ZNF490: variants seen among roughly 807,000 people sequenced by gnomAD.
The protein encoded by ZNF490 is zinc finger protein 490.
ZNF490 carries 11 observed loss-of-function variants against 17.7 expected under a neutral mutation model. That is an observed-to-expected ratio of 0.62 (90% CI 0.39 to 1.03). The LOEUF (loss-of-function observed/expected upper bound fraction) is 1.03, where lower values mean the gene tolerates loss of function less well. Ranked by LOEUF, ZNF490 falls within the 50% of genes least tolerant of loss-of-function variation. The pLI is 0.00. For missense variants in ZNF490, 542 were observed against 643.4 expected (o/e 0.84, Z 1.71); for synonymous variants, 222 against 216.1 (o/e 1.03, Z -0.24).
At chr19:12,599,553 G>T (rs2022976971) in intron 2 of ZNF490, among the ~76,000 whole-genome samples, 1 of 152,182 alleles carries the variant, frequency 6.6e-6, no homozygotes, top group South Asian at 2.1e-4. Context: ...GACCTTATCT[G>T]CACTTCTGTC....
chr19:12,582,969 C>A, intron 3 of ZNF490, 59 bp from the exon 4 acceptor site: 10 of 1,377,442 alleles, frequency 7.3e-6, no homozygotes, highest in Non-Finnish European at 1.0e-5. Context: ...AAAATTATAA[C>A]ACTCTAAGAT....
Position 12,586,968 on chromosome 19 carries a change from G to A in ZNF490, c.163-3412C>T, listed in dbSNP as rs1288624294. Among the ~76,000 whole-genome samples, 7 of 90,520 alleles carry A rather than the reference G, an allele frequency of 7.7e-5. 3 individuals are homozygous for A. The highest frequency in any genetic ancestry group is 1.8e-4 in the Non-Finnish European group (6 of 34,000). 59.4% of individuals were successfully genotyped at this position (90,520 alleles called of 152,430 possible). ...GCCTGTAATCCCAGCTACTCACGAG[G>A]CAGGAGAATCACTTGAACTTGGGAG... On this transcript the variant is annotated intron_variant, in intron 2 of 4. Transcript: ENST00000311437.
chr19:12,601,809 G>A (rs1372328324), intron 2 of ZNF490, among the ~76,000 whole-genome samples: 3 of 151,568 alleles, frequency 2.0e-5, no homozygotes, highest in Non-Finnish European at 4.4e-5. Flanking sequence ...TGGCTAACAT[G>A]GTGAAACCCT....
chr19:12,581,839 C>G (rs1289862012), intron 4 of ZNF490, 115 bp from the exon 5 acceptor site: 5 of 977,562 alleles, frequency 5.1e-6, no homozygotes, highest in Middle Eastern at 3.3e-4. Context: ...GTTATCTGCC[C>G]TGTCTAAATT....
In ZNF490 at chr19:12,582,890, C is replaced by A; in HGVS notation, c.310G>T (p.Asp104Tyr). Residue 104 changes from aspartate (D) to tyrosine (Y), a missense_variant, in exon 4 of 5, where the codon GAT (aspartate) becomes TAT (tyrosine). Transcript: ENST00000311437. The stretch of plus-strand genomic sequence containing the variant: ...TGGTTTTTGTGTTCATCTTCAATAT[C>A]CTGGTCTTTCCATTTTTCCCCTAAA... The part of the protein sequence containing the change: ...ACIGEKWKDQ[D>Y]IEDEHKNQGR... The A allele has an allele frequency of 1.2e-6, 2 of 1,612,518 alleles. No homozygotes were observed. The highest frequency in any genetic ancestry group is 1.7e-6 in the Non-Finnish European group (2 of 1,179,424).
At chr19:12,594,584 T>C (rs903782457) in intron 2 of ZNF490, among the ~76,000 whole-genome samples, 21 of 152,112 alleles carry the variant, frequency 1.4e-4, no homozygotes, top group Admixed American at 1.3e-3. Flanking sequence ...GGTAGCGATA[T>C]CCGGGCAATG....
At chr19:12,594,016 G>A (rs115008366) in intron 2 of ZNF490, among the ~76,000 whole-genome samples, 1 of 152,300 alleles carries the variant, frequency 6.6e-6, no homozygotes, top group African/African-American at 2.4e-5. Flanking sequence ...CAGGGCCCAG[G>A]AGAGCCTCAA....
At chr19:12,607,660 G>A (rs1449337500) in intron 2 of ZNF490, among the ~76,000 whole-genome samples, 1 of 151,866 alleles carries the variant, frequency 6.6e-6, no homozygotes, top group Non-Finnish European at 1.5e-5. Flanking sequence ...CCTGCACTTT[G>A]GGAGGTTGAG....
chr19:12,603,728 C>T (rs1599313549), intron 2 of ZNF490, among the ~76,000 whole-genome samples: 1 of 150,352 alleles, frequency 6.7e-6, no homozygotes, highest in Non-Finnish European at 1.5e-5. Context: ...GGGGTGGAGG[C>T]TGCATTGAGC....
intron 2 of ZNF490, among the ~76,000 whole-genome samples, chr19:12,589,610 C>A (rs1338564671): frequency 6.8e-6 from 1 of 147,850 alleles, no homozygotes; most frequent in Non-Finnish European, 1.5e-5. Context: ...CTAAATTGCC[C>A]AGGCTGGAGT....
At chr19:12,595,473 G>C (rs902640069) in intron 2 of ZNF490, among the ~76,000 whole-genome samples, 1 of 151,984 alleles carries the variant, frequency 6.6e-6, no homozygotes, top group African/African-American at 2.4e-5. Flanking sequence ...TCAAAACCTA[G>C]AAAAATGCTT....
intron 2 of ZNF490, among the ~76,000 whole-genome samples, chr19:12,603,372 A>G (rs2023029395): frequency 6.6e-6 from 1 of 152,016 alleles, no homozygotes; most frequent in African/African-American, 2.4e-5. Context: ...CTATAGTCTC[A>G]GCTACTTGAG....
At chr19:12,608,207 T>C (rs1189545755) in intron 2 of ZNF490, among the ~76,000 whole-genome samples, 4 of 152,184 alleles carry the variant, frequency 2.6e-5, no homozygotes, top group Non-Finnish European at 5.9e-5. Flanking sequence ...GTCTCTTGCA[T>C]GTTTACCTTG....
rs368947521 is a variant in ZNF490 at position 12,588,087 on chromosome 19, C to T, written c.163-4531G>A. On this transcript the variant is annotated intron_variant, in intron 2 of 4. Coordinates refer to ENST00000311437, the MANE Select transcript of ZNF490 (RefSeq NM_020714.3). Reference sequence around the variant, plus strand: ...GTTTCACCATGTTGGCCAGGCTGGTCTCAAACTCCTGACCTCAGGCGATCC... The same window carrying T: ...GTTTCACCATGTTGGCCAGGCTGGTTTCAAACTCCTGACCTCAGGCGATCC... Among the ~76,000 whole-genome samples, 7 of 36,638 alleles carry T rather than the reference C, an allele frequency of 1.9e-4. 3 individuals carry two copies. Among genetic ancestry groups the T allele is most frequent in the Non-Finnish European group, 7.5e-4 (7 of 9,340 alleles). 24.0% of individuals were successfully genotyped at this position (36,638 alleles called of 152,430 possible).
chr19:12,583,599 C>G (rs757706920), intron 2 of ZNF490, 43 bp from the exon 3 acceptor site: 8 of 1,519,962 alleles, frequency 5.3e-6, no homozygotes, highest in Non-Finnish European at 7.1e-6. Flanking sequence ...GAGAGAGATT[C>G]GCAGTAGTGA....
At position 12,578,354 on chromosome 19, in the gene ZNF490, T is replaced by C. The variant is rs2022673461; in HGVS notation, c.*2131A>G. The C allele has an allele frequency of 1.0e-6, 1 of 985,592 alleles. No individual in the cohort carries two copies. Among genetic ancestry groups the C allele is most frequent in the Non-Finnish European group, 1.2e-6 (1 of 830,070 alleles). The allele number at this position is 985,592 out of a possible 1,614,324, so 61.1% of individuals were successfully genotyped here. A position where few individuals can be genotyped will look rare whatever the true frequency, so the allele number is the denominator to read the frequency against. On this transcript the variant is annotated 3_prime_UTR_variant, in exon 5 of 5. Coordinates refer to ENST00000311437, the MANE Select transcript of ZNF490 (RefSeq NM_020714.3). ...TTTGAGATTATTCTGACTGTGGTGGTTGGTGCAGGGCTGGTAACCGCAGGA... is the reference window on the plus strand; with the variant it reads ...TTTGAGATTATTCTGACTGTGGTGGCTGGTGCAGGGCTGGTAACCGCAGGA...
Position 12,578,135 on chromosome 19 carries a change from G to A in ZNF490, c.*2350C>T. On this transcript the variant is annotated 3_prime_UTR_variant, in exon 5 of 5. Coordinates refer to ENST00000311437, the MANE Select transcript of ZNF490 (RefSeq NM_020714.3). ...AGTGCTAGTCTTAGCGGGAGGCTAG[G>A]AAACCAGTCCTGGAGCAGGATGCAT... The A allele has an allele frequency of 5.1e-6, 5 of 985,504 alleles. No homozygotes were observed. Among genetic ancestry groups the A allele is most frequent in the Non-Finnish European group, 6.0e-6 (5 of 830,028 alleles). The allele number at this position is 985,504 out of a possible 1,614,324, so 61.0% of individuals were successfully genotyped here. A position where few individuals can be genotyped will look rare whatever the true frequency, so the allele number is the denominator to read the frequency against.
rs1185800049 is a variant in ZNF490, at chr19:12,581,386, G to C, written c.689C>G (p.Ala230Gly). The stretch of plus-strand genomic sequence containing the variant: ...TCGAAAGGAAAAGAGAAATGCGAAG[G>C]CTTTGCCACATTCCTTACATTCATA... ...KPYECKECGKAFAFLFSFRNH... is the reference protein window; with the variant it reads ...KPYECKECGKGFAFLFSFRNH... The change falls in exon 5 of 5, where the codon GCC becomes GGC. Residue 230 changes from alanine to glycine, a missense_variant. Physicochemically the swap from Ala to Gly is moderately conservative, Grantham distance 60. Transcript: ENST00000311437. 1 of 1,614,012 alleles carries C rather than the reference G, an allele frequency of 6.2e-7. No homozygotes were observed. The highest frequency in any genetic ancestry group is 8.5e-7 in the Non-Finnish European group (1 of 1,180,018).
intron 2 of ZNF490, among the ~76,000 whole-genome samples, chr19:12,588,894 G>A (rs936463130): frequency 6.6e-6 from 1 of 152,148 alleles, no homozygotes; most frequent in Non-Finnish European, 1.5e-5. Context: ...AAATTATTTT[G>A]AATTAAATAA....
Sources: allele counts gnomAD v4.1 joint callset (sites outside exome capture counted in the v4.1 genomes callset), GRCh38; gene constraint gnomAD v4.1.1; transcripts MANE v1.5; gene names NCBI Gene and HGNC (gene_info 2026-07-23, HGNC 2026-07-21).